GRID1: variants seen among roughly 807,000 people sequenced by gnomAD.
The protein encoded by GRID1 is glutamate ionotropic receptor delta type subunit 1.
GRID1 carries 28 observed loss-of-function variants against 98.0 expected under a neutral mutation model. The ratio of observed to expected loss-of-function variants is 0.29; its 90% confidence interval spans 0.21 to 0.39. The LOEUF (loss-of-function observed/expected upper bound fraction) is 0.39, where lower values mean the gene tolerates loss of function less well. Ranked by LOEUF, GRID1 falls within the 10% of genes least tolerant of loss-of-function variation. GRID1 has a pLI of 1.00. For synonymous variants in GRID1, 553 were observed against 538.5 expected (o/e 1.03, Z -0.37); for missense variants, 1,111 against 1,340.5 (o/e 0.83, Z 2.67).
At chr10:86,126,274 C>G (rs1022049986) in intron 4 of GRID1, among the ~76,000 whole-genome samples, 2 of 151,920 alleles carry the variant, frequency 1.3e-5, no homozygotes, top group Admixed American at 6.6e-5. Flanking sequence ...GCCAAGATAG[C>G]GAAACCCCGT....
chr10:85,897,911 C>T (rs1841317141), intron 5 of GRID1, among the ~76,000 whole-genome samples: 1 of 152,170 alleles, frequency 6.6e-6, no homozygotes, highest in African/African-American at 2.4e-5. Context: ...CGGCATCTCA[C>T]CCTTCTTCTC....
At chr10:86,340,333 C>T (rs1162097354) in intron 2 of GRID1, among the ~76,000 whole-genome samples, 5 of 152,200 alleles carry the variant, frequency 3.3e-5, no homozygotes, top group South Asian at 2.1e-4. Context: ...GCTAAGGCAA[C>T]GCTTCCCTAA....
intron 6 of GRID1, among the ~76,000 whole-genome samples, chr10:85,861,655 G>A (rs1038669417): frequency 6.6e-6 from 1 of 152,200 alleles, no homozygotes; most frequent in Non-Finnish European, 1.5e-5. Context: ...CTCAGCCACG[G>A]GAGCCTTTGG....
At chr10:86,207,345 T>C (rs2607830) in intron 2 of GRID1, among the ~76,000 whole-genome samples, 120,750 of 152,110 alleles carry the variant, frequency 0.79, 47,967 homozygotes, top group East Asian at 0.88. Context: ...AAGAAAGACG[T>C]TCCCGCCACT....
chr10:85,739,168 A>C (rs1287577406), intron 8 of GRID1, among the ~76,000 whole-genome samples: 1 of 152,134 alleles, frequency 6.6e-6, no homozygotes, highest in Non-Finnish European at 1.5e-5. Flanking sequence ...ACACACACAC[A>C]CATACAATGA....
chr10:85,714,280 G>GTATCAGAAAAAAATGGC (rs1217981562), intron 12 of GRID1, among the ~76,000 whole-genome samples: 1 of 151,798 alleles, frequency 6.6e-6, no homozygotes, highest in African/African-American at 2.4e-5. Context: ...AGGAAGGAGC[G>GTATCAGAAAAAAATGGC]TATCAGAAAA....
At chr10:86,186,100 A>G (rs1235386579) in intron 3 of GRID1, among the ~76,000 whole-genome samples, 1 of 152,212 alleles carries the variant, frequency 6.6e-6, no homozygotes, top group Non-Finnish European at 1.5e-5. Flanking sequence ...TTTAATCAGT[A>G]TATGACCATT....
chr10:86,049,923 T>C (rs1843478082), intron 4 of GRID1, among the ~76,000 whole-genome samples: 1 of 152,210 alleles, frequency 6.6e-6, no homozygotes, highest in Non-Finnish European at 1.5e-5. Context: ...GGTGAGACTC[T>C]CCTCCGTTCA....
intron 12 of GRID1, among the ~76,000 whole-genome samples, chr10:85,707,626 G>A (rs901827266): frequency 7.9e-5 from 12 of 152,162 alleles, no homozygotes; most frequent in Non-Finnish European, 7.3e-5. Flanking sequence ...TATACCCAAA[G>A]GATTATAAAT....
chr10:85,954,489 A>G (rs535055074), intron 4 of GRID1, among the ~76,000 whole-genome samples: 19 of 152,344 alleles, frequency 1.2e-4, no homozygotes, highest in Middle Eastern at 6.8e-3. Context: ...TGTTCCTTTT[A>G]TCAGCACTCC....
At chr10:86,045,119 G>C (rs1313841860) in intron 4 of GRID1, among the ~76,000 whole-genome samples, 1 of 152,212 alleles carries the variant, frequency 6.6e-6, no homozygotes, top group Non-Finnish European at 1.5e-5. Flanking sequence ...CAATACTCTT[G>C]ATTTGTATTA....
Position 86,342,914 on chromosome 10 carries a change from C to G in GRID1, c.235+21027G>C, listed in dbSNP as rs950349661. Among the ~76,000 whole-genome samples, 3 of 152,238 alleles carry G rather than the reference C, an allele frequency of 2.0e-5. No homozygotes were observed. In the East Asian group the frequency reaches 5.8e-4, roughly 29 times the overall value. ...GGCTCTTTAAAGATAAAGATCCTGG[C>G]GTTCCTTGGTGTATATGCCCAAGGC... is the stretch of plus-strand genomic sequence containing the variant. On this transcript the variant is annotated intron_variant, in intron 2 of 15. Transcript: ENST00000327946.
At chr10:86,345,018 G>C (rs898477132) in intron 2 of GRID1, among the ~76,000 whole-genome samples, 2 of 152,158 alleles carry the variant, frequency 1.3e-5, no homozygotes, top group Non-Finnish European at 2.9e-5. Context: ...TCCCTGGAGG[G>C]CCCCAGCAGG....
rs77918054 is a variant in GRID1, at chr10:85,866,164, T to C, written c.951+2846A>G. Among the ~76,000 whole-genome samples, 678 of 150,968 alleles carry C rather than the reference T, an allele frequency of 4.5e-3. 10 individuals carry two copies. The South Asian group carries it at 0.061, about 14-fold the overall frequency. ...CATCTCCCAAGCAAGGAAGCTATGATTGAGTACCCATGGGAGAGATGTGGA... is the reference window on the plus strand; with the variant it reads ...CATCTCCCAAGCAAGGAAGCTATGACTGAGTACCCATGGGAGAGATGTGGA... On this transcript the variant is annotated intron_variant, in intron 6 of 15. Transcript: ENST00000327946.
chr10:86,300,215 A>G (rs1389652177), intron 2 of GRID1, among the ~76,000 whole-genome samples: 1 of 152,008 alleles, frequency 6.6e-6, no homozygotes, highest in Non-Finnish European at 1.5e-5. Flanking sequence ...AGAAGCTACA[A>G]GAGGCAAGAA....
chr10:86,288,152 C>A (rs905774641), intron 2 of GRID1, among the ~76,000 whole-genome samples: 7 of 152,358 alleles, frequency 4.6e-5, no homozygotes, highest in African/African-American at 1.7e-4. Flanking sequence ...TGCCCACCTG[C>A]CACATTCCCC....
At chr10:86,333,331 G>T (rs1386272136) in intron 2 of GRID1, among the ~76,000 whole-genome samples, 1 of 152,210 alleles carries the variant, frequency 6.6e-6, no homozygotes, top group African/African-American at 2.4e-5. Context: ...TTTCCTGCCA[G>T]TCTATGCTGC....
intron 5 of GRID1, among the ~76,000 whole-genome samples, chr10:85,897,942 T>C (rs1841317686): frequency 6.6e-6 from 1 of 152,150 alleles, no homozygotes; most frequent in African/African-American, 2.4e-5. Context: ...TAAGTTCAAC[T>C]TTTTTGGATT....
intron 2 of GRID1, among the ~76,000 whole-genome samples, chr10:86,286,374 G>A (rs1414479019): frequency 6.6e-6 from 1 of 152,128 alleles, no homozygotes; most frequent in African/African-American, 2.4e-5. Flanking sequence ...TGTCTCCGTG[G>A]GTGGAGATGA....
Sources: allele counts gnomAD v4.1 joint callset (sites outside exome capture counted in the v4.1 genomes callset), GRCh38; gene constraint gnomAD v4.1.1; transcripts MANE v1.5; gene names NCBI Gene and HGNC (gene_info 2026-07-23, HGNC 2026-07-21).